The following SLF1 variants were observed in gnomAD, a reference collection of about 807,000 sequenced individuals.
SLF1 encodes the protein SMC5/6 complex localization factor 1, also known as SMC5-SMC6 complex localization factor protein 1.
A neutral mutation model predicts 123.0 loss-of-function variants in SLF1; 105 were observed. The ratio of observed to expected loss-of-function variants is 0.85; its 90% CI spans 0.73 to 1.00. SLF1 has a LOEUF of 1.00. Among genes scored for constraint, SLF1 ranks in the 50% least tolerant of loss-of-function variants. The pLI is 0.00. For missense variants in SLF1, 1,239 were observed against 1,223.0 expected (o/e 1.01, Z -0.20); for synonymous variants, 434 against 406.6 (o/e 1.07, Z -0.81).
chr5:94,625,876 T>G (rs895207480), intron 1 of SLF1, among the ~76,000 whole-genome samples: 1 of 152,136 alleles, frequency 6.6e-6, no homozygotes, highest in Non-Finnish European at 1.5e-5. Flanking sequence ...TTCTTCATAG[T>G]TTTTATGTAT....
intron 12 of SLF1, among the ~76,000 whole-genome samples, chr5:94,666,238 A>G (rs1272658933): frequency 1.3e-5 from 2 of 152,252 alleles, no homozygotes; most frequent in Admixed American, 6.5e-5. Context: ...TAAAAAATGA[A>G]TGCATGAAAT....
chr5:94,637,261 G>A (rs1016594407), intron 4 of SLF1, among the ~76,000 whole-genome samples: 4 of 152,138 alleles, frequency 2.6e-5, no homozygotes, highest in African/African-American at 7.2e-5. Context: ...TTGTGATTCT[G>A]TATGGGCTGG....
chr5:94,676,206 C>G (rs921518644), intron 14 of SLF1, among the ~76,000 whole-genome samples: 1 of 152,156 alleles, frequency 6.6e-6, no homozygotes, highest in African/African-American at 2.4e-5. Flanking sequence ...AATCAGTTTA[C>G]TAGTTTAAAT....
intron 4 of SLF1, among the ~76,000 whole-genome samples, chr5:94,633,863 A>C (rs571956777): frequency 6.6e-6 from 1 of 152,052 alleles, no homozygotes; most frequent in East Asian, 1.9e-4. Flanking sequence ...TTATTTCCAT[A>C]CTTCTTGCTT....
chr5:94,688,393 T>C (rs1752692332), intron 16 of SLF1, 113 bp from the exon 17 acceptor site: 1 of 1,099,032 alleles, frequency 9.1e-7, no homozygotes, highest in Admixed American at 2.4e-5. Flanking sequence ...GTGGCAACCA[T>C]AGTGATGCAA....
At chr5:94,627,922 C>T (rs900356639) in intron 1 of SLF1, among the ~76,000 whole-genome samples, 2 of 151,760 alleles carry the variant, frequency 1.3e-5, no homozygotes, top group African/African-American at 2.4e-5. Context: ...CTCTGCCTCC[C>T]GGGTTCAAGC....
intron 8 of SLF1, among the ~76,000 whole-genome samples, chr5:94,653,628 T>C (rs1348421484): frequency 1.3e-5 from 2 of 152,192 alleles, no homozygotes; most frequent in African/African-American, 4.8e-5. Flanking sequence ...ATAATCAAGG[T>C]ATTCAGTGAA....
chr5:94,687,015 C>T (rs572107107), intron 16 of SLF1, among the ~76,000 whole-genome samples: 15 of 152,204 alleles, frequency 9.9e-5, no homozygotes, highest in African/African-American at 2.9e-4. Context: ...CTGCCTGCCT[C>T]GGCCTCCCAA....
intron 5 of SLF1, among the ~76,000 whole-genome samples, chr5:94,645,902 T>C (rs1252953486): frequency 1.3e-5 from 2 of 148,504 alleles, no homozygotes; most frequent in African/African-American, 5.0e-5. Context: ...CATATTCCAG[T>C]CCTCATTAGA....
intron 14 of SLF1, among the ~76,000 whole-genome samples, chr5:94,674,930 TA>T (rs907708813): frequency 1.3e-5 from 2 of 152,242 alleles, no homozygotes. Flanking sequence ...AGAAAGTTGA[TA>T]AAGAGTTTAA....
At chr5:94,658,643 G>A (rs1748713524) in intron 9 of SLF1, among the ~76,000 whole-genome samples, 2 of 152,092 alleles carry the variant, frequency 1.3e-5, no homozygotes, top group Admixed American at 1.3e-4. Context: ...GTGCCTTGGA[G>A]ACCTTTGAGA....
At chr5:94,686,411 A>G (rs1431933398) in intron 15 of SLF1, among the ~76,000 whole-genome samples, 162 bp from the exon 16 acceptor site, 1 of 152,218 alleles carries the variant, frequency 6.6e-6, no homozygotes, top group African/African-American at 2.4e-5. Flanking sequence ...AAGTCAAGGA[A>G]TAGTGATATG....
intron 18 of SLF1, among the ~76,000 whole-genome samples, chr5:94,690,600 TA>T (rs897576230): frequency 5.9e-5 from 9 of 152,262 alleles, no homozygotes; most frequent in Middle Eastern, 3.4e-3. Context: ...TTTATGCATG[TA>T]AAAAAATGTT....
intron 9 of SLF1, among the ~76,000 whole-genome samples, chr5:94,658,911 T>G (rs1209644121): frequency 7.3e-6 from 1 of 136,944 alleles, no homozygotes; most frequent in Non-Finnish European, 1.6e-5. Flanking sequence ...CTCTGTTATA[T>G]ATTTTTTTTC....
intron 1 of SLF1, among the ~76,000 whole-genome samples, chr5:94,625,905 AT>A (rs554178178): frequency 2.6e-4 from 40 of 152,214 alleles, no homozygotes; most frequent in Non-Finnish European, 5.0e-4. Context: ...CATATTGTTA[AT>A]GGTTATTAAC....
intron 5 of SLF1, among the ~76,000 whole-genome samples, chr5:94,644,749 T>G (rs528659392): frequency 6.6e-6 from 1 of 152,310 alleles, no homozygotes; most frequent in African/African-American, 2.4e-5. Context: ...CTCATAGCAT[T>G]ATTTAGCTTG....
At chr5:94,644,271 C>CT (rs1309910020) in intron 5 of SLF1, among the ~76,000 whole-genome samples, 1 of 152,126 alleles carries the variant, frequency 6.6e-6, no homozygotes, top group Non-Finnish European at 1.5e-5. Context: ...CCTTTTTACT[C>CT]TAATTTCCTA....
chr5:94,652,313 A>G (rs1390884370), intron 7 of SLF1, among the ~76,000 whole-genome samples: 1 of 152,058 alleles, frequency 6.6e-6, no homozygotes, highest in Non-Finnish European at 1.5e-5. Flanking sequence ...CCAGCCTGCT[A>G]TATCATTTTC....
intron 14 of SLF1, chr5:94,678,514 G>A (rs1474702876): frequency 5.2e-6 from 1 of 190,732 alleles, no homozygotes; most frequent in Non-Finnish European, 1.1e-5. Context: ...TTATTTTAAT[G>A]GAATTATTTC....
Sources: allele counts gnomAD v4.1 joint callset (sites outside exome capture counted in the v4.1 genomes callset), GRCh38; gene constraint gnomAD v4.1.1; transcripts MANE v1.5; gene names NCBI Gene and HGNC (gene_info 2026-07-23, HGNC 2026-07-21).